Variants in HS6ST2 observed in about 807,000 individuals in gnomAD.
The protein encoded by HS6ST2 is heparan sulfate 6-O-sulfotransferase 2, also known as heparan-sulfate 6-O-sulfotransferase 2.
In HS6ST2, 17 loss-of-function variants were observed where a neutral mutation model predicts 33.0. That is an observed-to-expected ratio of 0.52 (90% CI 0.35 to 0.77). HS6ST2 has a LOEUF of 0.77. Among genes scored for constraint, HS6ST2 ranks in the 30% least tolerant of loss-of-function variants. HS6ST2 has a pLI of 0.01. For synonymous variants in HS6ST2, 248 were observed against 237.1 expected, an observed-to-expected ratio of 1.05 and a Z score of -0.42; for missense variants, 519 against 551.7, an observed-to-expected ratio of 0.94 and a Z score of 0.59.
chrX:132,681,555 C>A lies in HS6ST2; in HGVS notation c.981-12356G>T, dbSNP rs751094603. On this transcript the variant is annotated intron_variant, in intron 3 of 4. Coordinates refer to ENST00000370833, the MANE Select transcript of HS6ST2 (RefSeq NM_001394073.1). ...ATCCCAGCAATTCGGGAGGCCAAGG[C>A]AGGAGGATCAATTGAGGCCAGGAGT... Among the ~76,000 whole-genome samples the A allele has an allele frequency of 8.1e-5, 9 of 111,800 alleles. No homozygotes were observed. The South Asian group carries it at 3.4e-3, about 42-fold the overall frequency.
In HS6ST2 at chrX:132,828,028, T is replaced by A. The variant is rs183206156; in HGVS notation, c.948-119534A>T. On this transcript the variant is annotated intron_variant, in intron 2 of 4. Transcript: ENST00000370833. Reference sequence around the variant, plus strand: ...AACTCAATTGACCAAAACAAACATATCATTTTATCTGCCCAATCCTAATCA... The same window carrying A: ...AACTCAATTGACCAAAACAAACATAACATTTTATCTGCCCAATCCTAATCA... Among the ~76,000 whole-genome samples, 9 of 111,830 alleles carry A rather than the reference T, an allele frequency of 8.0e-5. No individual in the cohort carries two copies. The East Asian group carries it at 2.0e-3, about 25-fold the overall frequency.
chrX:132,738,899 T>A (rs1051499597), intron 2 of HS6ST2, among the ~76,000 whole-genome samples: 2 of 111,755 alleles, frequency 1.8e-5, no homozygotes, highest in Non-Finnish European at 3.8e-5. Context: ...TAAAAGGAGA[T>A]ACTTGAATGA....
At chrX:132,820,728 T>G (rs2065444643) in intron 2 of HS6ST2, among the ~76,000 whole-genome samples, 1 of 104,558 alleles carries the variant, frequency 9.6e-6, no homozygotes. Context: ...TTTGGGGTAA[T>G]GGGGCATGAG....
intron 2 of HS6ST2, among the ~76,000 whole-genome samples, chrX:132,932,449 G>C (rs2066782060): frequency 8.9e-6 from 1 of 111,778 alleles, no homozygotes; most frequent in African/African-American, 3.3e-5. Context: ...GATTCACACA[G>C]GGGAGAAATA....
intron 3 of HS6ST2, among the ~76,000 whole-genome samples, chrX:132,704,317 G>A (rs1228184419): frequency 8.9e-6 from 1 of 112,378 alleles, no homozygotes; most frequent in Non-Finnish European, 1.9e-5. Context: ...TACTTTGGGA[G>A]GCCAAGGTGG....
At chrX:132,814,199 C>T (rs972162874) in intron 2 of HS6ST2, among the ~76,000 whole-genome samples, 2 of 112,165 alleles carry the variant, frequency 1.8e-5, no homozygotes, top group African/African-American at 3.2e-5. Flanking sequence ...CCGCCTCGGC[C>T]TCCCAAAGTG....
chrX:132,712,426 C>T (rs1424136608), intron 2 of HS6ST2, among the ~76,000 whole-genome samples: 1 of 112,144 alleles, frequency 8.9e-6, no homozygotes, highest in Admixed American at 9.4e-5. Context: ...GGGTGTGGTG[C>T]CCCCAAAGTC....
At chrX:132,865,088 T>C (rs936835284) in intron 2 of HS6ST2, among the ~76,000 whole-genome samples, 7 of 108,704 alleles carry the variant, frequency 6.4e-5, no homozygotes, top group Admixed American at 2.0e-4. Flanking sequence ...TAACTCGTCA[T>C]CCAGCATGAG....
intron 2 of HS6ST2, among the ~76,000 whole-genome samples, chrX:132,786,735 CCT>C (rs1222660665): frequency 9.2e-6 from 1 of 109,236 alleles, no homozygotes; most frequent in Non-Finnish European, 1.9e-5. Context: ...GACTCTCCTA[CCT>C]CAGCCTCCCA....
intron 2 of HS6ST2, among the ~76,000 whole-genome samples, chrX:132,742,633 A>G (rs1243254293): frequency 8.9e-6 from 1 of 112,370 alleles, no homozygotes; most frequent in East Asian, 2.8e-4. Flanking sequence ...CAACAGGTGC[A>G]ATACAGGTTT....
intron 2 of HS6ST2, among the ~76,000 whole-genome samples, chrX:132,868,264 G>A (rs1179800929): frequency 8.9e-6 from 1 of 112,078 alleles, no homozygotes; most frequent in Non-Finnish European, 1.9e-5. Context: ...CCCAGTACAT[G>A]AGCACCCAGA....
At chrX:132,829,199 T>TACACAC (rs762265064) in intron 2 of HS6ST2, among the ~76,000 whole-genome samples, 1 of 73,281 alleles carries the variant, frequency 1.4e-5, no homozygotes, top group African/African-American at 6.1e-5. Flanking sequence ...TATATATATA[T>TACACAC]ACATACTTAT....
intron 2 of HS6ST2, among the ~76,000 whole-genome samples, chrX:132,848,988 G>A (rs1182570822): frequency 9.0e-6 from 1 of 111,527 alleles, no homozygotes; most frequent in Non-Finnish European, 1.9e-5. Flanking sequence ...TGTGCACAGG[G>A]GAAAGCTTGA....
At chrX:132,944,218 TAC>T (rs2066918480) in intron 2 of HS6ST2, among the ~76,000 whole-genome samples, 1 of 109,130 alleles carries the variant, frequency 9.2e-6, no homozygotes. Context: ...ACCAATAACA[TAC>T]AGAGAGCCAA....
chrX:132,847,532 G>A (rs2065763462), intron 2 of HS6ST2, among the ~76,000 whole-genome samples: 1 of 111,440 alleles, frequency 9.0e-6, no homozygotes, highest in Admixed American at 9.5e-5. Flanking sequence ...CTCTAGTATG[G>A]TGAGATCACC....
chrX:132,844,008 G>A, intron 2 of HS6ST2, among the ~76,000 whole-genome samples: 2 of 111,938 alleles, frequency 1.8e-5, no homozygotes, highest in Admixed American at 1.9e-4. Context: ...CACTCAATGT[G>A]GGGAATAATT....
intron 2 of HS6ST2, among the ~76,000 whole-genome samples, chrX:132,882,395 T>TG: frequency 9.3e-6 from 1 of 107,527 alleles, no homozygotes; most frequent in East Asian, 2.9e-4. Context: ...CAATTGTGAA[T>TG]GGGAGTTCAC....
intron 2 of HS6ST2, among the ~76,000 whole-genome samples, chrX:132,709,576 G>A (rs367630153): frequency 9.0e-6 from 1 of 110,712 alleles, no homozygotes; most frequent in East Asian, 2.8e-4. Flanking sequence ...AAACAAAAGC[G>A]ATATACTTGG....
intron 2 of HS6ST2, among the ~76,000 whole-genome samples, chrX:132,922,919 C>T (rs1049869488): frequency 2.7e-5 from 3 of 109,965 alleles, no homozygotes; most frequent in Non-Finnish European, 3.8e-5. Context: ...AAAAATTAGC[C>T]GGGCGTGGTA....
Sources: gnomAD v4.1 joint callset for allele counts (sites outside exome capture counted in the v4.1 genomes callset) on GRCh38, gnomAD v4.1.1 for gene constraint, MANE v1.5 for transcripts, NCBI Gene and HGNC (gene_info 2026-07-23, HGNC 2026-07-21) for gene names.